The following PIM3 variants were observed in gnomAD, a reference collection of about 807,000 sequenced individuals.
PIM3 encodes the protein Pim-3 proto-oncogene, serine/threonine kinase.
PIM3 carries 13 observed loss-of-function variants against 27.5 expected under a neutral mutation model. The observed-to-expected ratio is 0.47, with a 90% CI of 0.31 to 0.75. The LOEUF (loss-of-function observed/expected upper bound fraction) is 0.75, where lower values mean the gene tolerates loss of function less well. Among genes scored for constraint, PIM3 ranks in the 30% least tolerant of loss-of-function variants. The pLI, the probability that PIM3 is intolerant of heterozygous loss-of-function variation, is 0.05. For missense variants in PIM3, 482 were observed against 476.9 expected (o/e 1.01, Z -0.10); for synonymous variants, 341 against 221.1 (o/e 1.54, Z -4.81).
Position 49,962,870 on chromosome 22 carries a change from G to C in PIM3, c.793+5G>C, listed in dbSNP as rs376408360. The stretch of plus-strand genomic sequence containing the variant: ...TCCGGAGGAGGGTCTCTCCAGGTGC[G>C]TGGTGGCTCGAGGCGGGGGTGGGGG... On this transcript the variant is annotated splice_donor_5th_base_variant and intron_variant, in intron 5 of 5. Coordinates refer to ENST00000360612, the MANE Select transcript of PIM3 (RefSeq NM_001001852.4). The C allele has an allele frequency of 7.5e-6, 12 of 1,606,470 alleles. No individual in the cohort carries two copies. In the African/African-American group the frequency reaches 1.5e-4, roughly 20 times the overall value.
In PIM3 at chr22:49,961,428, G is replaced by A. The variant is rs2060906624; in HGVS notation, c.247-14G>A. The stretch of plus-strand genomic sequence containing the variant: ...GGCGGGCGCGGGGCTTTTGCTGACC[G>A]CCGTGTCCCCCAGGGCGGCGCGACC... On this transcript the variant is annotated splice_polypyrimidine_tract_variant and intron_variant, in intron 3 of 5. Coordinates refer to ENST00000360612, the MANE Select transcript of PIM3 (RefSeq NM_001001852.4). The A allele has an allele frequency of 7.1e-7, 1 of 1,416,794 alleles. No individual in the cohort carries two copies. The highest frequency in any genetic ancestry group is 9.2e-7 in the Non-Finnish European group (1 of 1,089,530). 87.8% of individuals were successfully genotyped at this position (1,416,794 alleles called of 1,614,324 possible).
chr22:49,963,599 G>C lies in PIM3; in HGVS notation c.*472G>C, dbSNP rs2060921197. The C allele has an allele frequency of 6.4e-6, 1 of 155,192 alleles. No individual in the cohort carries two copies. The allele number at this position is 155,192 out of a possible 1,614,324, so 9.6% of individuals were successfully genotyped here. ...CTGTTATTTATGGTGTGACCCCCTG[G>C]AGGTGCCCTCGGCCCACCGGGGCTA... On this transcript the variant is annotated 3_prime_UTR_variant, in exon 6 of 6. Coordinates refer to ENST00000360612, the MANE Select transcript of PIM3 (RefSeq NM_001001852.4).
In PIM3 at chr22:49,961,051, G is replaced by A; in HGVS notation, c.85+19G>A. On this transcript the variant is annotated intron_variant, in intron 1 of 5. Transcript: ENST00000360612. ...CAGCCAGGTACGCGCGGGGCCGGCG[G>A]GGCCGGGGCCGGGGCCAGGGCGGGG... 7.5e-7 allele frequency: 1 copy of A among 1,326,554 alleles called. No homozygotes were observed. Among genetic ancestry groups the A allele is most frequent in the Non-Finnish European group, 9.7e-7 (1 of 1,031,996 alleles). The allele number at this position is 1,326,554 out of a possible 1,614,324, so 82.2% of individuals were successfully genotyped here.
rs142470900 is a variant in PIM3, at chr22:49,963,929, G to A, written c.*802G>A. ...AAGCTGGGGTGGGGCCAGAGCCTGA[G>A]CGTTTAATTTATTCAGTACCTGTGT... On this transcript the variant is annotated 3_prime_UTR_variant, in exon 6 of 6. Coordinates refer to ENST00000360612, the MANE Select transcript of PIM3 (RefSeq NM_001001852.4). 13 of 152,552 alleles carry A rather than the reference G, an allele frequency of 8.5e-5. No homozygotes were observed. The highest frequency in any genetic ancestry group is 2.9e-4 in the African/African-American group (12 of 41,578). The allele number at this position is 152,552 out of a possible 1,614,324, so 9.4% of individuals were successfully genotyped here.
At position 49,961,317 on chromosome 22, in the gene PIM3, G is replaced by A. The variant is rs2060905886; in HGVS notation, c.196-1G>A. 6.5e-7 allele frequency: 1 copy of A among 1,546,076 alleles called. No individual in the cohort carries two copies. Among genetic ancestry groups the A allele is most frequent in the African/African-American group, 1.4e-5 (1 of 69,950 alleles). ...CCGGCCTGACCCCCGCGTCTCCGCA[G>A]GTGGCTGTGAAGCACGTGGTGAAGG... On this transcript the variant is annotated splice_acceptor_variant, in intron 2 of 5. Coordinates refer to ENST00000360612, the MANE Select transcript of PIM3 (RefSeq NM_001001852.4). LOFTEE classifies it high-confidence loss of function.
chr22:49,961,420 T>C, intron 3 of PIM3, 22 bp from the exon 4 acceptor site: 5 of 1,415,574 alleles, frequency 3.5e-6, no homozygotes, highest in Non-Finnish European at 4.6e-6. Context: ...GCGGGGCTTT[T>C]GCTGACCGCC....
rs773177526 is a variant in PIM3 at position 49,962,864 on chromosome 22, A to G, written c.792A>G (p.Pro264=). ...GRLLFRRRVS[P]ECQQLIRWCL... ...TGCTCTTCCGGAGGAGGGTCTCTCCAGGTGCGTGGTGGCTCGAGGCGGGGG... is the reference window on the plus strand; with the variant it reads ...TGCTCTTCCGGAGGAGGGTCTCTCCGGGTGCGTGGTGGCTCGAGGCGGGGG... Residue 264 remains proline (P), a splice_region_variant and synonymous_variant, in exon 5 of 6, where the codon CCA becomes CCG. Coordinates refer to ENST00000360612, the MANE Select transcript of PIM3 (RefSeq NM_001001852.4). 1.2e-6 allele frequency: 2 copies of G among 1,608,232 alleles called. No homozygotes were observed. Among genetic ancestry groups the G allele is most frequent in the Non-Finnish European group, 1.7e-6 (2 of 1,178,986 alleles).
chr22:49,961,507 C>A lies in PIM3; in HGVS notation c.312C>A (p.Arg104=), dbSNP rs539764110. The change falls in exon 4 of 6, where the codon CGC becomes CGA. Residue 104 remains arginine, a synonymous_variant. Transcript: ENST00000360612. ...LRKVGAAGGA[R]GVIRLLDWFE... ...AGGTGGGCGCGGCGGGCGGCGCGCGCGGCGTCATCCGCCTGCTGGACTGGT... is the reference window on the plus strand; with the variant it reads ...AGGTGGGCGCGGCGGGCGGCGCGCGAGGCGTCATCCGCCTGCTGGACTGGT... The A allele has an allele frequency of 5.9e-5, 88 of 1,500,536 alleles. No individual in the cohort carries two copies. The highest frequency in any genetic ancestry group is 7.6e-5 in the Non-Finnish European group (86 of 1,128,530). The allele number at this position is 1,500,536 out of a possible 1,614,324, so 93.0% of individuals were successfully genotyped here.
rs1217053580 is a variant in PIM3, at chr22:49,960,972, C to T, written c.25C>T (p.Leu9=). ...GATGCTGCTCTCCAAGTTCGGCTCC[C>T]TGGCGCACCTCTGCGGGCCCGGCGG... MLLSKFGS[L]AHLCGPGGVD... Residue 9 remains leucine (L), a synonymous_variant, in exon 1 of 6, where the codon CTG becomes TTG. Transcript: ENST00000360612. 5.8e-6 allele frequency: 8 copies of T among 1,389,874 alleles called. No individual in the cohort carries two copies. Among genetic ancestry groups the T allele is most frequent in the Admixed American group, 2.4e-5 (1 of 40,982 alleles). The allele number at this position is 1,389,874 out of a possible 1,614,324, so 86.1% of individuals were successfully genotyped here.
rs2089814953 is a variant in PIM3, at chr22:49,960,961, A to C, written c.14A>C (p.Lys5Thr). 7.3e-7 allele frequency: 1 copy of C among 1,376,246 alleles called. No homozygotes were observed. Among genetic ancestry groups the C allele is most frequent in the Non-Finnish European group, 9.5e-7 (1 of 1,055,652 alleles). The allele number at this position is 1,376,246 out of a possible 1,614,324, so 85.3% of individuals were successfully genotyped here. ...CCGTCGCCCGCGATGCTGCTCTCCA[A>C]GTTCGGCTCCCTGGCGCACCTCTGC... MLLS[K>T]FGSLAHLCGP... Residue 5 changes from lysine to threonine, a missense_variant, in exon 1 of 6, where the codon AAG becomes ACG. Physicochemically the swap from Lys to Thr is moderately conservative, Grantham distance 78. Coordinates refer to ENST00000360612, the MANE Select transcript of PIM3 (RefSeq NM_001001852.4).
intron 4 of PIM3, among the ~76,000 whole-genome samples, chr22:49,962,359 C>T (rs935815665): frequency 2.7e-5 from 4 of 150,042 alleles, no homozygotes; most frequent in African/African-American, 7.4e-5. Flanking sequence ...CCCCTCCCCC[C>T]GTTCCCGCAG....
Position 49,960,944 on chromosome 22 carries a change from C to A in PIM3, c.-4C>A. 1 of 1,330,598 alleles carries A rather than the reference C, an allele frequency of 7.5e-7. No individual in the cohort carries two copies. Among genetic ancestry groups the A allele is most frequent in the Non-Finnish European group, 9.7e-7 (1 of 1,031,376 alleles). The allele number at this position is 1,330,598 out of a possible 1,614,324, so 82.4% of individuals were successfully genotyped here. On this transcript the variant is annotated 5_prime_UTR_variant, in exon 1 of 6. Transcript: ENST00000360612. ...TCGGGGCTCCGGGGAGGCCGTCGCC[C>A]GCGATGCTGCTCTCCAAGTTCGGCT...
In PIM3 at chr22:49,961,131, C is replaced by T. The variant is rs756101496; in HGVS notation, c.92C>T (p.Ala31Val). The T allele has an allele frequency of 4.7e-6, 7 of 1,498,712 alleles. No individual in the cohort carries two copies. Among genetic ancestry groups the T allele is most frequent in the African/African-American group, 1.5e-5 (1 of 68,908 alleles). 92.8% of individuals were successfully genotyped at this position (1,498,712 alleles called of 1,614,324 possible). Reference sequence around the variant, plus strand: ...CGCCCGCGCCTCCCTGCAGCCAAGGCGGACAAGGAGAGCTTCGAGAAGGCG... The same window carrying T: ...CGCCCGCGCCTCCCTGCAGCCAAGGTGGACAAGGAGAGCTTCGAGAAGGCG... Reference protein sequence around the residue: ...LPVKILQPAKADKESFEKAYQ... With the variant: ...LPVKILQPAKVDKESFEKAYQ... Residue 31 changes from alanine to valine, a missense_variant, in exon 2 of 6, where the codon GCG (alanine) becomes GTG (valine). Coordinates refer to ENST00000360612, the MANE Select transcript of PIM3 (RefSeq NM_001001852.4).
chr22:49,961,093 G>T, intron 1 of PIM3, 32 bp from the exon 2 acceptor site: 1 of 1,424,028 alleles, frequency 7.0e-7, no homozygotes, highest in Non-Finnish European at 9.2e-7. Flanking sequence ...GGCGCCCCGG[G>T]CCGCACCAAC....
rs2060924127 is a variant in PIM3, at chr22:49,964,005, C to T, written c.*878C>T. ...ATCGCAGATGGGGGTTCTTTCAGTTCAAAAGTGAGATGTCTGGAGATCATA... is the reference window on the plus strand; with the variant it reads ...ATCGCAGATGGGGGTTCTTTCAGTTTAAAAGTGAGATGTCTGGAGATCATA... On this transcript the variant is annotated 3_prime_UTR_variant, in exon 6 of 6. Transcript: ENST00000360612. The T allele has an allele frequency of 6.6e-6, 1 of 152,344 alleles. No homozygotes were observed. Among genetic ancestry groups the T allele is most frequent in the Non-Finnish European group, 1.5e-5 (1 of 68,052 alleles). The allele number at this position is 152,344 out of a possible 1,614,324, so 9.4% of individuals were successfully genotyped here.
intron 4 of PIM3, among the ~76,000 whole-genome samples, chr22:49,962,297 G>A (rs543584494): frequency 6.6e-6 from 1 of 151,692 alleles, no homozygotes; most frequent in Non-Finnish European, 1.5e-5. Context: ...GCATTGCGGA[G>A]CTTGGGGAAG....
Position 49,961,115 on chromosome 22 carries a change from C to T in PIM3, c.86-10C>T. 1.4e-6 allele frequency: 2 copies of T among 1,472,776 alleles called. No individual in the cohort carries two copies. The highest frequency in any genetic ancestry group is 2.3e-4 in the Middle Eastern group (1 of 4,434). The allele number at this position is 1,472,776 out of a possible 1,614,324, so 91.2% of individuals were successfully genotyped here. A position where few individuals can be genotyped will look rare whatever the true frequency, so the allele number is the denominator to read the frequency against. On this transcript the variant is annotated splice_polypyrimidine_tract_variant and intron_variant, in intron 1 of 5. Coordinates refer to ENST00000360612, the MANE Select transcript of PIM3 (RefSeq NM_001001852.4). Reference sequence around the variant, plus strand: ...CGGGCCGCACCAACCCCGCCCGCGCCTCCCTGCAGCCAAGGCGGACAAGGA... The same window carrying T: ...CGGGCCGCACCAACCCCGCCCGCGCTTCCCTGCAGCCAAGGCGGACAAGGA...
At position 49,961,332 on chromosome 22, in the gene PIM3, C is replaced by G. The variant is rs1003836716; in HGVS notation, c.210C>G (p.His70Gln). 3 of 1,541,984 alleles carry G rather than the reference C, an allele frequency of 1.9e-6. No homozygotes were observed. The highest frequency in any genetic ancestry group is 1.7e-6 in the Non-Finnish European group (2 of 1,149,196). ...IADGLPVAVK[H>Q]VVKERVTEWG... Reference sequence around the variant, plus strand: ...CGTCTCCGCAGGTGGCTGTGAAGCACGTGGTGAAGGAGCGGGTGACCGAGT... The same window carrying G: ...CGTCTCCGCAGGTGGCTGTGAAGCAGGTGGTGAAGGAGCGGGTGACCGAGT... The change falls in exon 3 of 6, where the codon CAC (histidine) becomes CAG (glutamine). Residue 70 changes from histidine (H) to glutamine (Q), a missense_variant. Transcript: ENST00000360612.
chr22:49,961,899 C>G, intron 4 of PIM3, 88 bp downstream of exon 4: 1 of 1,542,836 alleles, frequency 6.5e-7, no homozygotes, highest in Non-Finnish European at 8.7e-7. Context: ...GGGCTGATGA[C>G]TGTTGGGCGG....
Sources: gnomAD v4.1 joint callset for allele counts (sites outside exome capture counted in the v4.1 genomes callset) on GRCh38, gnomAD v4.1.1 for gene constraint, MANE v1.5 for transcripts, NCBI Gene and HGNC (gene_info 2026-07-23, HGNC 2026-07-21) for gene names.